TSHZ1: variants seen among roughly 807,000 people sequenced by gnomAD.
TSHZ1 encodes teashirt zinc finger homeobox 1.
A neutral mutation model predicts 67.1 loss-of-function variants in TSHZ1; 12 were observed. The observed-to-expected ratio is 0.18, with a 90% CI of 0.11 to 0.29. The LOEUF (loss-of-function observed/expected upper bound fraction) is 0.29. TSHZ1 is among the 10% of genes least tolerant of loss of function. TSHZ1 has a pLI of 1.00. For missense variants in TSHZ1, 1,305 were observed against 1,413.9 expected, an observed-to-expected ratio of 0.92 and a Z score of 1.23; for synonymous variants, 632 against 622.4, an observed-to-expected ratio of 1.02 and a Z score of -0.23.
At chr18:75,268,373 T>G (rs1205337163) in intron 1 of TSHZ1, among the ~76,000 whole-genome samples, 2 of 152,222 alleles carry the variant, frequency 1.3e-5, no homozygotes, top group African/African-American at 4.8e-5. Flanking sequence ...GAGTGTCGCT[T>G]TATGAGACTT....
At position 75,242,986 on chromosome 18, in the gene TSHZ1, A is replaced by C. The variant is rs564584391; in HGVS notation, c.40+31070A>C. Among the ~76,000 whole-genome samples, 55 of 152,252 alleles carry C rather than the reference A, an allele frequency of 3.6e-4. 1 individual carries two copies. In the South Asian group the frequency reaches 0.011, roughly 31 times the overall value. ...TCACTCTGCTGTCCCTGAGGTGCAC[A>C]CACTGGGGGTGCTGTGGTCATGCAG... is the stretch of plus-strand genomic sequence containing the variant. On this transcript the variant is annotated intron_variant, in intron 1 of 1. Transcript: ENST00000580243.
At chr18:75,254,435 A>T (rs772424221) in intron 1 of TSHZ1, among the ~76,000 whole-genome samples, 2 of 152,240 alleles carry the variant, frequency 1.3e-5, no homozygotes, top group Non-Finnish European at 2.9e-5. Context: ...ATCAGAAGGG[A>T]TAAAAAGACA....
chr18:75,257,495 G>A (rs1175791053), intron 1 of TSHZ1, among the ~76,000 whole-genome samples: 2 of 152,168 alleles, frequency 1.3e-5, no homozygotes, highest in African/African-American at 4.8e-5. Context: ...AACTTTCTGT[G>A]AGAAAATGTT....
chr18:75,273,594 A>G (rs1211579431), intron 1 of TSHZ1, among the ~76,000 whole-genome samples: 2 of 152,236 alleles, frequency 1.3e-5, no homozygotes, highest in African/African-American at 4.8e-5. Context: ...TTTGAGATGA[A>G]AATGTTTTTC....
intron 1 of TSHZ1, among the ~76,000 whole-genome samples, chr18:75,275,923 C>G (rs2023609155): frequency 6.6e-6 from 1 of 152,178 alleles, no homozygotes; most frequent in Admixed American, 6.5e-5. Context: ...TTTATTTTAA[C>G]TTCTTTTAAT....
intron 1 of TSHZ1, among the ~76,000 whole-genome samples, chr18:75,236,196 A>C (rs1000190317): frequency 3.9e-5 from 6 of 152,092 alleles, no homozygotes; most frequent in African/African-American, 1.4e-4. Context: ...GGGCCTCCCA[A>C]ATCTTTCCCC....
Position 75,281,212 on chromosome 18 carries a change from C to T in TSHZ1, c.41-4236C>T, listed in dbSNP as rs2023680650. Among the ~76,000 whole-genome samples the T allele has an allele frequency of 1.3e-5, 2 of 152,204 alleles. No homozygotes were observed. The highest frequency in any genetic ancestry group is 2.1e-4 in the South Asian group (1 of 4,836). ...TTGGAAGGCTCTGGCCACAGCTGGTCATCAGTGCGGGGGGCCAGTTTGGAT... is the reference window on the plus strand; with the variant it reads ...TTGGAAGGCTCTGGCCACAGCTGGTTATCAGTGCGGGGGGCCAGTTTGGAT... On this transcript the variant is annotated intron_variant, in intron 1 of 1. Transcript: ENST00000580243. This position sits in a 1 kb window ranked among gnomAD's most constrained non-coding sequence, Gnocchi z 5.3.
chr18:75,239,938 T>C (rs367607783), intron 1 of TSHZ1, among the ~76,000 whole-genome samples: 1 of 152,234 alleles, frequency 6.6e-6, no homozygotes, highest in Non-Finnish European at 1.5e-5. Flanking sequence ...TCGAGAAAAC[T>C]CTATTTCTTG....
At chr18:75,268,028 C>T (rs1386442215) in intron 1 of TSHZ1, among the ~76,000 whole-genome samples, 2 of 152,166 alleles carry the variant, frequency 1.3e-5, no homozygotes, top group Non-Finnish European at 2.9e-5. Flanking sequence ...ATGATACTGG[C>T]CGTTTTGGTG....
At position 75,281,703 on chromosome 18, in the gene TSHZ1, A is replaced by C. The variant is rs1045266112; in HGVS notation, c.41-3745A>C. ...GGGGATGCGGCAGCTCAGAACGGGGAGCGGGTAGCGGTCACCGAGGGTCTG... is the reference window on the plus strand; with the variant it reads ...GGGGATGCGGCAGCTCAGAACGGGGCGCGGGTAGCGGTCACCGAGGGTCTG... On this transcript the variant is annotated intron_variant, in intron 1 of 1. Transcript: ENST00000580243. This position sits in a 1 kb window ranked among gnomAD's most constrained non-coding sequence, Gnocchi z 5.3. 2.0e-5 allele frequency among the ~76,000 whole-genome samples: 3 copies of C among 152,034 alleles called. No homozygotes were observed. The highest frequency in any genetic ancestry group is 6.6e-5 in the Admixed American group (1 of 15,266).
At chr18:75,221,298 A>G (rs759426101) in intron 1 of TSHZ1, 21 of 152,264 alleles carry the variant, frequency 1.4e-4, no homozygotes, top group Non-Finnish European at 1.2e-4. Context: ...GTTATAAAAA[A>G]TATCCTCAGT....
Position 75,289,727 on chromosome 18 carries a change from A to T in TSHZ1, c.*1086A>T, listed in dbSNP as rs1358632245. The T allele has an allele frequency of 6.0e-6, 1 of 167,124 alleles. No individual in the cohort carries two copies. Among genetic ancestry groups the T allele is most frequent in the African/African-American group, 2.4e-5 (1 of 41,470 alleles). The allele number at this position is 167,124 out of a possible 1,614,324, so 10.4% of individuals were successfully genotyped here. ...AAATTTAGTTCCTGCAGCTTGATTT[A>T]AATAGAGGACTTTTACTGGCACCTG... On this transcript the variant is annotated 3_prime_UTR_variant, in exon 2 of 2. Transcript: ENST00000580243.
intron 1 of TSHZ1, among the ~76,000 whole-genome samples, chr18:75,277,950 C>T (rs2023634995): frequency 6.6e-6 from 1 of 152,092 alleles, no homozygotes; most frequent in African/African-American, 2.4e-5. Context: ...TATCGGGTCA[C>T]ACTGTGTGTA....
intron 1 of TSHZ1, among the ~76,000 whole-genome samples, chr18:75,239,387 A>G (rs751626850): frequency 6.6e-5 from 10 of 152,206 alleles, no homozygotes; most frequent in Admixed American, 2.0e-4. Context: ...AAGAATACGG[A>G]CACCTTGACC....
chr18:75,240,877 G>A (rs766212939), intron 1 of TSHZ1, among the ~76,000 whole-genome samples: 7 of 152,198 alleles, frequency 4.6e-5, no homozygotes, highest in Non-Finnish European at 8.8e-5. Flanking sequence ...TTTTTAACAG[G>A]TTTAAAAACC....
chr18:75,257,813 G>A (rs539648084), intron 1 of TSHZ1, among the ~76,000 whole-genome samples: 1 of 152,196 alleles, frequency 6.6e-6, no homozygotes, highest in Non-Finnish European at 1.5e-5. Flanking sequence ...GGTAACAGAA[G>A]CTCTGCCATC....
chr18:75,257,899 A>T (rs1364409369), intron 1 of TSHZ1, among the ~76,000 whole-genome samples: 1 of 152,186 alleles, frequency 6.6e-6, no homozygotes, highest in Non-Finnish European at 1.5e-5. Flanking sequence ...TGTGAAGTAC[A>T]TGATAGGAGG....
rs573077029 is a variant in TSHZ1 at position 75,248,287 on chromosome 18, T to C, written c.40+36371T>C. ...TTCTGATTCTGGCGCAAGTTAATAATTCTGTTTTTACTGAAGACTTTTTCC... is the reference window on the plus strand; with the variant it reads ...TTCTGATTCTGGCGCAAGTTAATAACTCTGTTTTTACTGAAGACTTTTTCC... On this transcript the variant is annotated intron_variant, in intron 1 of 1. Coordinates refer to ENST00000580243, the MANE Select transcript of TSHZ1 (RefSeq NM_001308210.2). Among the ~76,000 whole-genome samples the C allele has an allele frequency of 2.0e-4, 30 of 152,336 alleles. 1 individual carries two copies. The highest frequency in any genetic ancestry group is 1.1e-3 in the Admixed American group (17 of 15,312).
At chr18:75,235,179 G>A (rs376582038) in intron 1 of TSHZ1, among the ~76,000 whole-genome samples, 1 of 152,032 alleles carries the variant, frequency 6.6e-6, no homozygotes, top group East Asian at 1.9e-4. Context: ...AATCCTTCTC[G>A]GAGGAACCAA....
Sources: allele counts gnomAD v4.1 joint callset (sites outside exome capture counted in the v4.1 genomes callset), GRCh38; gene constraint gnomAD v4.1.1; non-coding constraint Gnocchi (gnomAD v3.1); transcripts MANE v1.5; gene names NCBI Gene and HGNC (gene_info 2026-07-23, HGNC 2026-07-21).